The following PPFIA2 variants were observed in gnomAD, a reference collection of about 807,000 sequenced individuals.
PPFIA2 encodes the protein liprin-alpha-2.
In PPFIA2, 46 loss-of-function variants were observed where a neutral mutation model predicts 175.5. The observed-to-expected ratio is 0.26, with a 90% CI of 0.21 to 0.34. PPFIA2 has a LOEUF of 0.34. PPFIA2 is among the 10% of genes least tolerant of loss of function. The pLI is 1.00. For synonymous variants in PPFIA2, 568 were observed against 511.4 expected (o/e 1.11, Z -1.49); for missense variants, 1,179 against 1,506.1 (o/e 0.78, Z 3.60).
intron 4 of PPFIA2, among the ~76,000 whole-genome samples, chr12:81,634,420 C>T (rs1381930392): frequency 1.3e-5 from 2 of 151,972 alleles, no homozygotes; most frequent in African/African-American, 2.4e-5. Flanking sequence ...GCACAGAGCA[C>T]GTTTCTGGCC....
intron 4 of PPFIA2, among the ~76,000 whole-genome samples, chr12:81,567,106 G>C (rs1567366429): frequency 6.6e-6 from 1 of 152,186 alleles, no homozygotes; most frequent in Non-Finnish European, 1.5e-5. Flanking sequence ...GAGTGCAGTG[G>C]CGCAATCTCG....
intron 2 of PPFIA2, among the ~76,000 whole-genome samples, chr12:81,755,263 A>G (rs1398561461): frequency 6.6e-6 from 1 of 152,126 alleles, no homozygotes; most frequent in African/African-American, 2.4e-5. Context: ...AAAATCAGAA[A>G]TTATCTCATT....
intron 7 of PPFIA2, among the ~76,000 whole-genome samples, chr12:81,416,897 A>C (rs879426184): frequency 3.3e-5 from 5 of 151,780 alleles, no homozygotes; most frequent in Non-Finnish European, 7.4e-5. Flanking sequence ...GTACGTGATC[A>C]TTTTATAAAG....
At chr12:81,304,880 C>A (rs2048771642) in intron 22 of PPFIA2, among the ~76,000 whole-genome samples, 1 of 151,912 alleles carries the variant, frequency 6.6e-6, no homozygotes. Context: ...ATAATTTGTA[C>A]ATTATAAAGG....
intron 4 of PPFIA2, among the ~76,000 whole-genome samples, chr12:81,636,832 T>A: frequency 6.6e-6 from 1 of 151,840 alleles, no homozygotes; most frequent in East Asian, 2.0e-4. Context: ...TTTGTACTTT[T>A]AGTAGAGATA....
At chr12:81,583,111 A>C (rs1332544124) in intron 4 of PPFIA2, among the ~76,000 whole-genome samples, 2 of 151,898 alleles carry the variant, frequency 1.3e-5, no homozygotes, top group African/African-American at 4.8e-5. Flanking sequence ...AATCACAGAA[A>C]TCTACTTAAA....
Position 81,505,152 on chromosome 12 carries a change from G to A in PPFIA2, c.304-47286C>T, listed in dbSNP as rs147470335. Reference sequence around the variant, plus strand: ...ATCAGTATTTTTGACAAGTTCCTCCGAATGATTTAATGTGCAACTAGGTTT... The same window carrying A: ...ATCAGTATTTTTGACAAGTTCCTCCAAATGATTTAATGTGCAACTAGGTTT... On this transcript the variant is annotated intron_variant, in intron 4 of 32. Coordinates refer to ENST00000549396, the MANE Select transcript of PPFIA2 (RefSeq NM_003625.5). Among the ~76,000 whole-genome samples the A allele has an allele frequency of 1.7e-3, 261 of 151,756 alleles. 2 individuals carry two copies. Among genetic ancestry groups the A allele is most frequent in the African/African-American group, 6.1e-3 (253 of 41,362 alleles).
At chr12:81,266,898 C>G in intron 30 of PPFIA2, 54 bp downstream of exon 30, 1 of 1,252,162 alleles carries the variant, frequency 8.0e-7, no homozygotes, top group South Asian at 1.3e-5. Flanking sequence ...CAAAGATGTT[C>G]TATCATTTTT....
At chr12:81,375,090 A>T (rs1326702628) in intron 10 of PPFIA2, among the ~76,000 whole-genome samples, 4 of 152,138 alleles carry the variant, frequency 2.6e-5, no homozygotes. Flanking sequence ...CAAAATATTG[A>T]AAATCATGGT....
chr12:81,627,838 C>G (rs1355046752), intron 4 of PPFIA2, among the ~76,000 whole-genome samples: 1 of 151,904 alleles, frequency 6.6e-6, no homozygotes, highest in Non-Finnish European at 1.5e-5. Context: ...TTTTTTCCAT[C>G]TAGTAAATGC....
At chr12:81,706,675 G>A (rs1271893996) in intron 3 of PPFIA2, among the ~76,000 whole-genome samples, 1 of 152,096 alleles carries the variant, frequency 6.6e-6, no homozygotes, top group Non-Finnish European at 1.5e-5. Context: ...CTGCTCAGGG[G>A]TCAGGGGTCA....
intron 4 of PPFIA2, among the ~76,000 whole-genome samples, chr12:81,509,604 T>C (rs1369095696): frequency 1.1e-5 from 1 of 92,814 alleles, no homozygotes; most frequent in Non-Finnish European, 2.4e-5. Context: ...CACCTAACCT[T>C]TTTTTTTTTT....
At chr12:81,282,756 T>C (rs1213764066) in intron 26 of PPFIA2, 1 of 298,012 alleles carries the variant, frequency 3.4e-6, no homozygotes, top group Non-Finnish European at 6.2e-6. Context: ...TTTTGGATCA[T>C]TCTTTTGAGA....
chr12:81,591,678 G>A (rs955178575), intron 4 of PPFIA2, among the ~76,000 whole-genome samples: 11 of 152,162 alleles, frequency 7.2e-5, no homozygotes, highest in African/African-American at 2.7e-4. Context: ...GTGGAAGCCT[G>A]AAGCCTTGGC....
intron 6 of PPFIA2, among the ~76,000 whole-genome samples, chr12:81,442,848 CATATAT>C (rs35192542): frequency 0.025 from 345 of 14,064 alleles, no homozygotes; most frequent in African/African-American, 0.031. Flanking sequence ...TTTCTGACTT[CATATAT>C]ATATATATAT....
At chr12:81,384,379 C>T (rs573657302) in intron 8 of PPFIA2, 135 bp from the exon 9 acceptor site, 16 of 649,760 alleles carry the variant, frequency 2.5e-5, no homozygotes, top group South Asian at 1.8e-4. Context: ...CTAGTTTTGC[C>T]GAAAAACTAA....
chr12:81,298,006 T>C (rs929555573), intron 23 of PPFIA2: 5 of 152,234 alleles, frequency 3.3e-5, no homozygotes, highest in African/African-American at 1.2e-4. Flanking sequence ...TCACTGTCTG[T>C]CATCTCCTAT....
intron 4 of PPFIA2, among the ~76,000 whole-genome samples, chr12:81,473,611 C>A (rs906513134): frequency 5.3e-5 from 8 of 152,178 alleles, no homozygotes; most frequent in African/African-American, 1.4e-4. Flanking sequence ...TTCCTTGATG[C>A]TGGACTTTAG....
At chr12:81,330,276 G>A (rs1393748275) in intron 21 of PPFIA2, among the ~76,000 whole-genome samples, 2 of 152,090 alleles carry the variant, frequency 1.3e-5, no homozygotes, top group African/African-American at 4.8e-5. Flanking sequence ...TATTTTTATA[G>A]GTATATCTGT....
Sources: gnomAD v4.1 joint callset for allele counts (sites outside exome capture counted in the v4.1 genomes callset) on GRCh38, gnomAD v4.1.1 for gene constraint, MANE v1.5 for transcripts, NCBI Gene and HGNC (gene_info 2026-07-23, HGNC 2026-07-21) for gene names.